TRABD2B: variants seen among roughly 807,000 people sequenced by gnomAD.
The protein encoded by TRABD2B is metalloprotease TIKI2.
In TRABD2B, 14 loss-of-function variants were observed where a neutral mutation model predicts 40.1. The observed-to-expected ratio is 0.35, with a 90% confidence interval of 0.23 to 0.55. The LOEUF is 0.55. Ranked by LOEUF, TRABD2B falls within the 20% of genes least tolerant of loss-of-function variation. The probability of loss-of-function intolerance (pLI) is 0.90; values close to 1 mark genes in which losing one functional copy is unlikely to be tolerated. For missense variants in TRABD2B, 541 were observed against 648.6 expected, an observed-to-expected ratio of 0.83 and a Z score of 1.80; for synonymous variants, 263 against 277.0, an observed-to-expected ratio of 0.95 and a Z score of 0.50.
intron 2 of TRABD2B, among the ~76,000 whole-genome samples, chr1:47,926,376 C>T (rs765433391): frequency 6.6e-6 from 1 of 152,140 alleles, no homozygotes; most frequent in Non-Finnish European, 1.5e-5. Context: ...CAAGTCATGG[C>T]TCCTGGGGGC....
At chr1:47,993,476 C>T (rs1194918270) in intron 2 of TRABD2B, among the ~76,000 whole-genome samples, 1 of 152,204 alleles carries the variant, frequency 6.6e-6, no homozygotes, top group South Asian at 2.1e-4. Flanking sequence ...CTGGCCTTAG[C>T]GAGGCGGTCC....
chr1:47,780,297 T>C (rs973573749), intron 4 of TRABD2B, among the ~76,000 whole-genome samples: 1 of 152,234 alleles, frequency 6.6e-6, no homozygotes, highest in African/African-American at 2.4e-5. Context: ...AGTTTCTTGC[T>C]ATGCATAATA....
At position 47,845,102 on chromosome 1, in the gene TRABD2B, G is replaced by A. The variant is rs114225877; in HGVS notation, c.667-43483C>T. Among the ~76,000 whole-genome samples, 818 of 152,230 alleles carry A rather than the reference G, an allele frequency of 5.4e-3. 11 individuals carry two copies. The highest frequency in any genetic ancestry group is 0.019 in the African/African-American group (781 of 41,534). On this transcript the variant is annotated intron_variant, in intron 2 of 6. Coordinates refer to ENST00000606738, the MANE Select transcript of TRABD2B (RefSeq NM_001194986.2). ...CCATCAATCTCCAGACGCTGGTCAGGTGCGTGCTCGTGACCAGCTTTGGCC... is the reference window on the plus strand; with the variant it reads ...CCATCAATCTCCAGACGCTGGTCAGATGCGTGCTCGTGACCAGCTTTGGCC...
At chr1:47,783,285 AAG>A (rs140333750) in intron 4 of TRABD2B, among the ~76,000 whole-genome samples, 36,024 of 151,674 alleles carry the variant, frequency 0.24, 4,431 homozygotes, top group East Asian at 0.45. Context: ...GAAAAACAGA[AAG>A]AGACAAGGAC....
chr1:47,965,206 GGGGGTGGA>G (rs1645582127), intron 2 of TRABD2B, among the ~76,000 whole-genome samples: 1 of 110,378 alleles, frequency 9.1e-6, no homozygotes, highest in Non-Finnish European at 1.9e-5. Context: ...GGGGGCGGGG[GGGGGTGGA>G]GGGGGGGGTG....
rs528069780 is a variant in TRABD2B at position 47,842,864 on chromosome 1, A to G, written c.667-41245T>C. Among the ~76,000 whole-genome samples the G allele has an allele frequency of 7.2e-4, 110 of 152,260 alleles. No homozygotes were observed. In the Middle Eastern group the frequency reaches 0.01, roughly 14 times the overall value. On this transcript the variant is annotated intron_variant, in intron 2 of 6. Transcript: ENST00000606738. ...TAACCCCTGTGGACAAACATAAAGC[A>G]AAGTAAGGGAGGTGGCAGGAGCTGT...
chr1:47,853,350 C>T (rs550050976), intron 2 of TRABD2B, among the ~76,000 whole-genome samples: 42 of 152,336 alleles, frequency 2.8e-4, no homozygotes, highest in African/African-American at 9.1e-4. Context: ...TTGGGTCCCA[C>T]CTCCGGCAGC....
intron 2 of TRABD2B, among the ~76,000 whole-genome samples, chr1:47,993,827 C>T (rs932748412): frequency 2.0e-5 from 3 of 152,228 alleles, no homozygotes; most frequent in African/African-American, 7.2e-5. Flanking sequence ...CACGCAGACT[C>T]TTACCCCAAA....
At chr1:47,910,155 T>G (rs573346620) in intron 2 of TRABD2B, among the ~76,000 whole-genome samples, 1 of 152,148 alleles carries the variant, frequency 6.6e-6, no homozygotes, top group South Asian at 2.1e-4. Context: ...CTACTGTGCC[T>G]GGCAGGGATC....
At chr1:47,906,565 G>A (rs1644680990) in intron 2 of TRABD2B, among the ~76,000 whole-genome samples, 1 of 152,154 alleles carries the variant, frequency 6.6e-6, no homozygotes, top group Non-Finnish European at 1.5e-5. Context: ...GCGTAGCAGG[G>A]CTCTGTCCAA....
chr1:47,983,812 T>C (rs80280687), intron 2 of TRABD2B, among the ~76,000 whole-genome samples: 1,592 of 151,178 alleles, frequency 0.011, 23 homozygotes, highest in Middle Eastern at 0.035. Flanking sequence ...AGTGTCCTTG[T>C]TGGGGACGGG....
intron 2 of TRABD2B, among the ~76,000 whole-genome samples, chr1:47,909,479 G>A (rs951410257): frequency 3.6e-5 from 3 of 84,320 alleles, no homozygotes; most frequent in African/African-American, 1.4e-4. Context: ...GGAAGGAGAA[G>A]GAGAAGGAGA....
At chr1:47,806,258 T>C (rs1385688325) in intron 2 of TRABD2B, among the ~76,000 whole-genome samples, 1 of 152,188 alleles carries the variant, frequency 6.6e-6, no homozygotes, top group Non-Finnish European at 1.5e-5. Flanking sequence ...TGGACTTGGC[T>C]TCCATCTGTG....
intron 2 of TRABD2B, among the ~76,000 whole-genome samples, chr1:47,820,589 C>T (rs1378577534): frequency 1.3e-5 from 2 of 152,166 alleles, no homozygotes; most frequent in East Asian, 1.9e-4. Flanking sequence ...CCCCTGGCTA[C>T]CGGGGCATCC....
chr1:47,963,376 CCA>C (rs770809674), intron 2 of TRABD2B, among the ~76,000 whole-genome samples: 4 of 152,168 alleles, frequency 2.6e-5, no homozygotes, highest in Non-Finnish European at 4.4e-5. Flanking sequence ...GCATCAGAGC[CCA>C]TCCCTCTTGA....
intron 2 of TRABD2B, among the ~76,000 whole-genome samples, chr1:47,949,098 C>A (rs1645302268): frequency 6.6e-6 from 1 of 152,144 alleles, no homozygotes; most frequent in African/African-American, 2.4e-5. Context: ...AATGCTATTA[C>A]TAATAATAGT....
chr1:47,902,721 C>G (rs1644618863), intron 2 of TRABD2B, among the ~76,000 whole-genome samples: 1 of 152,160 alleles, frequency 6.6e-6, no homozygotes, highest in Non-Finnish European at 1.5e-5. Context: ...CTCCTGGCCT[C>G]AAGCCATCCT....
intron 2 of TRABD2B, among the ~76,000 whole-genome samples, chr1:47,891,469 A>G (rs1172103952): frequency 6.6e-6 from 1 of 152,092 alleles, no homozygotes. Context: ...CTTGGGTAAA[A>G]AGGGTTCCAG....
chr1:47,861,367 C>A (rs1436693108), intron 2 of TRABD2B, among the ~76,000 whole-genome samples: 1 of 151,496 alleles, frequency 6.6e-6, no homozygotes, highest in Non-Finnish European at 1.5e-5. Flanking sequence ...CATGACAGCA[C>A]CCCCCACCCT....
Sources: gnomAD v4.1 joint callset for allele counts (sites outside exome capture counted in the v4.1 genomes callset) on GRCh38, gnomAD v4.1.1 for gene constraint, MANE v1.5 for transcripts, NCBI Gene and HGNC (gene_info 2026-07-23, HGNC 2026-07-21) for gene names.